The following SAMTOR variants were observed in gnomAD, a reference collection of about 807,000 sequenced individuals.
SAMTOR encodes the protein UPF0532 protein C7orf60.
the SAMTOR span, among the ~76,000 whole-genome samples, chr7:112,865,558 G>C: frequency 6.7e-6 from 1 of 150,364 alleles, no homozygotes; most frequent in African/African-American, 2.4e-5. Context: ...TTGCAGGCGT[G>C]AGCCTCCATG....
the SAMTOR span, among the ~76,000 whole-genome samples, chr7:112,893,580 A>G: frequency 3.9e-5 from 6 of 152,210 alleles, no homozygotes; most frequent in African/African-American, 1.4e-4. Flanking sequence ...CCACATCCAC[A>G]ATCAAGTTGT....
chr7:112,932,948 T>C, the SAMTOR span, among the ~76,000 whole-genome samples: 1 of 152,174 alleles, frequency 6.6e-6, no homozygotes, highest in Non-Finnish European at 1.5e-5. Flanking sequence ...GTTAAAAACA[T>C]TATGCTGCTA....
At chr7:112,896,500 A>C in the SAMTOR span, among the ~76,000 whole-genome samples, 13 of 152,212 alleles carry the variant, frequency 8.5e-5, 1 homozygote, top group South Asian at 8.3e-4. Context: ...CCATTAGTTC[A>C]ACTTCAGTTT....
At chr7:112,863,116 C>A in the SAMTOR span, among the ~76,000 whole-genome samples, 1 of 152,002 alleles carries the variant, frequency 6.6e-6, no homozygotes, top group East Asian at 1.9e-4. Context: ...AATAGAGAAT[C>A]CCGAAATAAG....
At chr7:112,939,806 T>C in the SAMTOR span, 1 of 1,387,956 alleles carries the variant, frequency 7.2e-7, no homozygotes, top group Admixed American at 2.0e-5. Flanking sequence ...GCTCCCCAGA[T>C]GGAGGAGGTG....
chr7:112,916,555 C>T, the SAMTOR span, among the ~76,000 whole-genome samples: 6 of 152,134 alleles, frequency 3.9e-5, no homozygotes, highest in Admixed American at 2.0e-4. Flanking sequence ...TCTGAGGTAC[C>T]GGGTTCATCT....
chr7:112,939,596 C>T, the SAMTOR span: 5 of 1,614,064 alleles, frequency 3.1e-6, no homozygotes, highest in East Asian at 2.2e-5. Context: ...TTTACCTTCT[C>T]GGTACTTCTT....
the SAMTOR span, among the ~76,000 whole-genome samples, chr7:112,861,728 GTCTGA>G: frequency 2.0e-5 from 3 of 152,204 alleles, no homozygotes; most frequent in South Asian, 6.2e-4. Flanking sequence ...TGGACCTACT[GTCTGA>G]TGCAAACTAG....
At chr7:112,872,805 TA>T in the SAMTOR span, among the ~76,000 whole-genome samples, 533 of 134,986 alleles carry the variant, frequency 3.9e-3, no homozygotes, top group Admixed American at 3.9e-3. Flanking sequence ...AAATCAGTAG[TA>T]AAAAAAAAAA....
the SAMTOR span, among the ~76,000 whole-genome samples, chr7:112,865,633 TC>T: frequency 7.0e-6 from 1 of 142,164 alleles, no homozygotes; most frequent in African/African-American, 2.6e-5. Flanking sequence ...CATATATATA[TC>T]ATATATACAT....
the SAMTOR span, among the ~76,000 whole-genome samples, chr7:112,907,956 A>C: frequency 6.6e-6 from 1 of 152,102 alleles, no homozygotes; most frequent in Non-Finnish European, 1.5e-5. Flanking sequence ...TATGCATTTA[A>C]TCTCCATTCC....
the SAMTOR span, among the ~76,000 whole-genome samples, chr7:112,921,275 G>A: frequency 8.6e-5 from 13 of 151,996 alleles, no homozygotes; most frequent in African/African-American, 2.9e-4. Flanking sequence ...CAGAACAGAC[G>A]CCTCAGAAAT....
chr7:112,822,087 C>A, the SAMTOR span: 1 of 1,613,504 alleles, frequency 6.2e-7, no homozygotes, highest in Non-Finnish European at 8.5e-7. Context: ...AATCTTCCAG[C>A]TTTTCATCAT....
At chr7:112,891,029 G>A in the SAMTOR span, among the ~76,000 whole-genome samples, 10,764 of 152,148 alleles carry the variant, frequency 0.071, 444 homozygotes, top group South Asian at 0.13. Flanking sequence ...CATGCTTAAA[G>A]AATCAAAGGA....
chr7:112,895,853 C>T, the SAMTOR span: 1 of 648,032 alleles, frequency 1.5e-6, no homozygotes, highest in Non-Finnish European at 2.3e-6. Flanking sequence ...AAGATTTCTG[C>T]TTTGAAAATG....
the SAMTOR span, among the ~76,000 whole-genome samples, chr7:112,859,303 T>C: frequency 2.6e-5 from 4 of 152,188 alleles, no homozygotes; most frequent in Admixed American, 6.5e-5. Flanking sequence ...GGTGGTCTCA[T>C]AAACATAATG....
At chr7:112,939,834 T>C in the SAMTOR span, 3 of 1,108,380 alleles carry the variant, frequency 2.7e-6, no homozygotes, top group Non-Finnish European at 2.6e-6. Flanking sequence ...AGGAGGGAGC[T>C]GCGGAGGCAG....
chr7:112,898,037 A>G, the SAMTOR span, among the ~76,000 whole-genome samples: 4 of 152,248 alleles, frequency 2.6e-5, no homozygotes, highest in Admixed American at 2.6e-4. Flanking sequence ...TTTGCACTGG[A>G]ACTCCATGTT....
the SAMTOR span, among the ~76,000 whole-genome samples, chr7:112,904,747 TAA>T: frequency 1.3e-5 from 2 of 152,016 alleles, no homozygotes; most frequent in Non-Finnish European, 2.9e-5. Context: ...TCGGTAGAAA[TAA>T]AAAGTTTAAA....
Sources: allele counts gnomAD v4.1 joint callset (sites outside exome capture counted in the v4.1 genomes callset), GRCh38; gene constraint gnomAD v4.1.1; transcripts MANE v1.5; gene names NCBI Gene and HGNC (gene_info 2026-07-23, HGNC 2026-07-21).